Variants in CDH7 observed in about 807,000 individuals in gnomAD.
The protein encoded by CDH7 is cadherin-7.
CDH7 carries 25 observed loss-of-function variants against 71.8 expected under a neutral mutation model. The ratio of observed to expected loss-of-function variants is 0.35; its 90% confidence interval spans 0.25 to 0.49. The LOEUF (loss-of-function observed/expected upper bound fraction) is 0.49, where lower values mean the gene tolerates loss of function less well. CDH7 is among the 20% of genes least tolerant of loss of function. The probability of loss-of-function intolerance (pLI) is 0.99; values close to 1 mark genes in which losing one functional copy is unlikely to be tolerated. For synonymous variants in CDH7, 381 were observed against 363.8 expected, an observed-to-expected ratio of 1.05 and a Z score of -0.54; for missense variants, 862 against 974.6, an observed-to-expected ratio of 0.88 and a Z score of 1.54.
chr18:65,851,761 A>T (rs1446334663), intron 7 of CDH7, among the ~76,000 whole-genome samples: 1 of 152,228 alleles, frequency 6.6e-6, no homozygotes, highest in African/African-American at 2.4e-5. Context: ...CTCATTGAAC[A>T]AATGAAGAAA....
chr18:65,754,843 C>T (rs1416519506), intron 1 of CDH7, among the ~76,000 whole-genome samples: 1 of 152,110 alleles, frequency 6.6e-6, no homozygotes, highest in African/African-American at 2.4e-5. Flanking sequence ...TAGTTAGCTA[C>T]CTTGTGTCAT....
rs4941354 is a variant in CDH7, at chr18:65,813,739, G to T, written c.506-746G>T. On this transcript the variant is annotated intron_variant, in intron 3 of 11. Coordinates refer to ENST00000397968, the MANE Select transcript of CDH7 (RefSeq NM_004361.5). ...GATTACATTCCAAATGGAAAAAAAG[G>T]AAAACAGATCAGAAGAAATGCTTTC... 2.6e-5 allele frequency among the ~76,000 whole-genome samples: 4 copies of T among 152,216 alleles called. No homozygotes were observed. In the South Asian group the frequency reaches 8.3e-4, roughly 32 times the overall value.
At chr18:65,763,924 A>G (rs2143791203) in intron 2 of CDH7, among the ~76,000 whole-genome samples, 1 of 152,146 alleles carries the variant, frequency 6.6e-6, no homozygotes. Context: ...AATTTTTTTA[A>G]TATTTGTAAA....
At chr18:65,750,926 G>A (rs1252726532), upstream of CDH7, 1 of 152,252 alleles carries the variant, frequency 6.6e-6, no homozygotes, top group African/African-American at 2.4e-5. Flanking sequence ...GGCCGGGGCA[G>A]GGTCCCCGCG....
At chr18:65,770,965 A>G (rs983260238) in intron 2 of CDH7, among the ~76,000 whole-genome samples, 14 of 152,198 alleles carry the variant, frequency 9.2e-5, no homozygotes, top group African/African-American at 3.1e-4. Context: ...TGAGAAGTCC[A>G]CAAAGTGCCA....
rs1911951750 is a variant in CDH7 at position 65,822,095 on chromosome 18, G to A, written c.640G>A (p.Ala214Thr). The change falls in exon 5 of 12, where the codon GCC (alanine) becomes ACC (threonine). Residue 214 changes from alanine to threonine, a missense_variant. By Grantham distance (58) the Ala-to-Thr change is moderately conservative. Transcript: ENST00000397968. ...AAATTTTACAGGAGTCATCAAGACT[G>A]CCCTTCCAAACATGGATAGAGAGGC... ...VEPKTGVIKT[A>T]LPNMDREAKD... is the part of the protein sequence containing the mutation. The A allele has an allele frequency of 1.2e-6, 2 of 1,612,480 alleles. No homozygotes were observed. Among genetic ancestry groups the A allele is most frequent in the Non-Finnish European group, 1.7e-6 (2 of 1,178,710 alleles).
At chr18:65,874,905 C>A (rs182013426) in intron 11 of CDH7, among the ~76,000 whole-genome samples, 1 of 152,164 alleles carries the variant, frequency 6.6e-6, no homozygotes, top group Non-Finnish European at 1.5e-5. Context: ...GAGTAGGGGA[C>A]TCAGGATGAC....
intron 7 of CDH7, among the ~76,000 whole-genome samples, chr18:65,852,245 C>T (rs1351096152): frequency 2.0e-5 from 3 of 152,086 alleles, no homozygotes; most frequent in African/African-American, 7.2e-5. Context: ...AAAACTGGCT[C>T]AAATAGTCAT....
chr18:65,751,369 G>A (rs1915870491), intron 1 of CDH7, among the ~76,000 whole-genome samples: 1 of 152,232 alleles, frequency 6.6e-6, no homozygotes, highest in South Asian at 2.1e-4. Context: ...CGTTTGGCCC[G>A]GAAAGCCGGT....
chr18:65,856,937 C>T (rs1216302447), intron 7 of CDH7, among the ~76,000 whole-genome samples: 1 of 150,472 alleles, frequency 6.6e-6, no homozygotes, highest in Non-Finnish European at 1.5e-5. Flanking sequence ...CTTTTACATG[C>T]AAAAATAGCC....
rs1026271906 is a variant in CDH7, at chr18:65,809,611, G to A, written c.211-93G>A. The A allele has an allele frequency of 6.1e-5, 63 of 1,039,474 alleles. 2 individuals are homozygous for A. The South Asian group carries it at 8.6e-4, about 14-fold the overall frequency. The allele number at this position is 1,039,474 out of a possible 1,614,324, so 64.4% of individuals were successfully genotyped here. On this transcript the variant is annotated intron_variant, in intron 2 of 11. Coordinates refer to ENST00000397968, the MANE Select transcript of CDH7 (RefSeq NM_004361.5). ...CTTTCCAAGAACAATAAAATTTCATGTACTCCTGCCTGACATAAGAATTAT... is the reference window on the plus strand; with the variant it reads ...CTTTCCAAGAACAATAAAATTTCATATACTCCTGCCTGACATAAGAATTAT...
intron 6 of CDH7, among the ~76,000 whole-genome samples, chr18:65,838,376 T>TTC (rs1240111414): frequency 6.6e-6 from 1 of 152,218 alleles, no homozygotes; most frequent in African/African-American, 2.4e-5. Flanking sequence ...AAAATATACT[T>TTC]TCATTTGAAA....
chr18:65,879,266 C>T (rs886783186), intron 11 of CDH7, among the ~76,000 whole-genome samples: 1 of 152,036 alleles, frequency 6.6e-6, no homozygotes, highest in Non-Finnish European at 1.5e-5. Context: ...TTACAAGATA[C>T]TTTAAAAATA....
At chr18:65,781,385 T>A (rs1910180110) in intron 2 of CDH7, among the ~76,000 whole-genome samples, 1 of 152,204 alleles carries the variant, frequency 6.6e-6, no homozygotes, top group Non-Finnish European at 1.5e-5. Context: ...AGGTTAACAT[T>A]CAAATTTTAT....
rs187945974 is a variant in CDH7, at chr18:65,757,805, C to G, written c.-196-4842C>G. 2.8e-4 allele frequency among the ~76,000 whole-genome samples: 41 copies of G among 148,678 alleles called. No individual in the cohort carries two copies. In the Middle Eastern group the frequency reaches 0.014, roughly 51 times the overall value. On this transcript the variant is annotated intron_variant, in intron 1 of 11. Transcript: ENST00000397968. ...TATATATATATATTTTTTTTTTCTG[C>G]ACTTTTTAAAGAACTAGTAATAGTG...
rs1330966741 is a variant in CDH7, at chr18:65,882,972, T to G, written c.*2078T>G. The G allele has an allele frequency of 6.6e-6, 1 of 152,140 alleles. No homozygotes were observed. The highest frequency in any genetic ancestry group is 1.5e-5 in the Non-Finnish European group (1 of 67,976). 9.4% of individuals were successfully genotyped at this position (152,140 alleles called of 1,614,324 possible). ...TACATTTGGATGATGTCAAAACTGC[T>G]GATTGTTGCACATACCACTAAACGG... On this transcript the variant is annotated 3_prime_UTR_variant, in exon 12 of 12. Coordinates refer to ENST00000397968, the MANE Select transcript of CDH7 (RefSeq NM_004361.5).
chr18:65,870,710 C>G (rs1435907857), intron 11 of CDH7, among the ~76,000 whole-genome samples: 1 of 152,148 alleles, frequency 6.6e-6, no homozygotes, highest in Non-Finnish European at 1.5e-5. Flanking sequence ...TCTTTAATGC[C>G]TCAGCTTCAG....
At chr18:65,804,640 G>A (rs182711172) in intron 2 of CDH7, among the ~76,000 whole-genome samples, 106 of 151,882 alleles carry the variant, frequency 7.0e-4, no homozygotes, top group African/African-American at 2.5e-3. Context: ...TTTAATGAAG[G>A]TAATGGAGAT....
chr18:65,864,548 A>G (rs1568228176), intron 11 of CDH7, among the ~76,000 whole-genome samples: 1 of 151,964 alleles, frequency 6.6e-6, no homozygotes, highest in African/African-American at 2.4e-5. Context: ...TGTAAATTGC[A>G]TATTTATTTT....
Sources: gnomAD v4.1 joint callset for allele counts (sites outside exome capture counted in the v4.1 genomes callset) on GRCh38, gnomAD v4.1.1 for gene constraint, MANE v1.5 for transcripts, NCBI Gene and HGNC (gene_info 2026-07-23, HGNC 2026-07-21) for gene names.